Variants in ZCWPW2 observed in about 807,000 individuals in gnomAD.
ZCWPW2 encodes zinc finger CW-type PWWP domain protein 2.
In ZCWPW2, 45 loss-of-function variants were observed where a neutral mutation model predicts 46.6. The ratio of observed to expected loss-of-function variants is 0.96; its 90% CI spans 0.76 to 1.24. ZCWPW2 has a LOEUF of 1.24. Ranked by LOEUF, ZCWPW2 falls within the 50% of genes most tolerant of loss-of-function variation. The pLI is 0.00. For synonymous variants in ZCWPW2, 152 were observed against 137.1 expected, an observed-to-expected ratio of 1.11 and a Z score of -0.76; for missense variants, 429 against 403.9, an observed-to-expected ratio of 1.06 and a Z score of -0.53.
At chr3:28,452,242 C>A (rs1403518623) in intron 4 of ZCWPW2, among the ~76,000 whole-genome samples, 1 of 152,114 alleles carries the variant, frequency 6.6e-6, no homozygotes, top group East Asian at 1.9e-4. Context: ...TAAGACAAGT[C>A]ACTTAACTTT....
intron 6 of ZCWPW2, among the ~76,000 whole-genome samples, chr3:28,511,910 T>C (rs1488429351): frequency 2.0e-5 from 3 of 152,172 alleles, no homozygotes; most frequent in African/African-American, 7.2e-5. Context: ...TCTTGAAAAA[T>C]ATTATTTTAA....
At chr3:28,417,009 A>G (rs1185017293) in intron 3 of ZCWPW2, among the ~76,000 whole-genome samples, 3 of 147,924 alleles carry the variant, frequency 2.0e-5, no homozygotes, top group Admixed American at 1.3e-4. Flanking sequence ...AGGCTTTGGT[A>G]TCAGGATGAT....
chr3:28,454,005 C>T (rs925452746), intron 4 of ZCWPW2, among the ~76,000 whole-genome samples: 22 of 151,434 alleles, frequency 1.5e-4, no homozygotes, highest in African/African-American at 2.7e-4. Flanking sequence ...CCACCACGCC[C>T]GGCTAATTTT....
chr3:28,353,831 C>G (rs1704638322), intron 1 of ZCWPW2, among the ~76,000 whole-genome samples: 1 of 152,120 alleles, frequency 6.6e-6, no homozygotes, highest in African/African-American at 2.4e-5. Flanking sequence ...GTGAGACCAA[C>G]CAACAGGAGA....
At chr3:28,459,388 A>G (rs1459178104) in intron 4 of ZCWPW2, among the ~76,000 whole-genome samples, 1 of 152,114 alleles carries the variant, frequency 6.6e-6, no homozygotes, top group Admixed American at 6.5e-5. Context: ...AAAAAAAACA[A>G]AAAACAAAAA....
chr3:28,479,035 C>T, intron 5 of ZCWPW2, 104 bp downstream of exon 5: 1 of 686,288 alleles, frequency 1.5e-6, no homozygotes, highest in Non-Finnish European at 2.4e-6. Flanking sequence ...TCTTTCTCTT[C>T]ATAGGGAAAT....
chr3:28,456,785 A>G (rs959266794), intron 4 of ZCWPW2, among the ~76,000 whole-genome samples: 1 of 152,080 alleles, frequency 6.6e-6, no homozygotes, highest in Non-Finnish European at 1.5e-5. Context: ...ATTGATTTGC[A>G]TATGTTGAAC....
chr3:28,411,491 G>A (rs1272038731), intron 2 of ZCWPW2, among the ~76,000 whole-genome samples: 1 of 151,810 alleles, frequency 6.6e-6, no homozygotes, highest in African/African-American at 2.4e-5. Flanking sequence ...TACTATCATG[G>A]CTTCTAGTCA....
chr3:28,439,106 C>T (rs1487523428), intron 4 of ZCWPW2, among the ~76,000 whole-genome samples: 1 of 144,618 alleles, frequency 6.9e-6, no homozygotes, highest in East Asian at 2.1e-4. Context: ...TACACACACA[C>T]ACACCATAGG....
At chr3:28,349,251 C>G (rs896450206) in intron 1 of ZCWPW2, 48 bp downstream of exon 1, 2 of 968,064 alleles carry the variant, frequency 2.1e-6, no homozygotes, top group African/African-American at 1.8e-5. Context: ...GGTCCCCCTT[C>G]AGGGGCGCCC....
intron 2 of ZCWPW2, among the ~76,000 whole-genome samples, chr3:28,407,544 GT>G (rs1017838050): frequency 2.6e-5 from 4 of 152,096 alleles, no homozygotes; most frequent in African/African-American, 9.7e-5. Flanking sequence ...TTATCCCCAG[GT>G]AAGGGATCAG....
rs1457745376 is a variant in ZCWPW2, at chr3:28,349,209, A to C, written c.-134+6A>C. On this transcript the variant is annotated splice_donor_region_variant and intron_variant, in intron 1 of 9. Coordinates refer to ENST00000383768, the MANE Select transcript of ZCWPW2 (RefSeq NM_001040432.4). ...CGGAGGCGGAGTGGAGTTAGGTAAG[A>C]GCGTTACCAGCCGTCTTGTCTGTTG... The C allele has an allele frequency of 2.0e-6, 2 of 985,124 alleles. No individual in the cohort carries two copies. Among genetic ancestry groups the C allele is most frequent in the African/African-American group, 3.5e-5 (2 of 57,166 alleles). 61.0% of individuals were successfully genotyped at this position (985,124 alleles called of 1,614,324 possible).
At chr3:28,370,844 T>A (rs1705307926) in intron 1 of ZCWPW2, among the ~76,000 whole-genome samples, 1 of 152,198 alleles carries the variant, frequency 6.6e-6, no homozygotes, top group South Asian at 2.1e-4. Flanking sequence ...GAAATTCTCC[T>A]GCCTCAGCCT....
At chr3:28,475,904 C>A (rs527930205) in intron 4 of ZCWPW2, among the ~76,000 whole-genome samples, 2 of 152,216 alleles carry the variant, frequency 1.3e-5, no homozygotes, top group South Asian at 4.1e-4. Context: ...CTTATCACCT[C>A]TTACACTATA....
intron 3 of ZCWPW2, among the ~76,000 whole-genome samples, chr3:28,422,842 C>T (rs1379029235): frequency 1.3e-5 from 2 of 152,016 alleles, no homozygotes; most frequent in African/African-American, 2.4e-5. Flanking sequence ...TTTGCATTCC[C>T]AACAGTGTTG....
At chr3:28,445,052 C>T (rs1201108800) in intron 4 of ZCWPW2, among the ~76,000 whole-genome samples, 1 of 151,916 alleles carries the variant, frequency 6.6e-6, no homozygotes, top group Non-Finnish European at 1.5e-5. Context: ...CCCAAACCAA[C>T]AAAAGAGCTC....
At chr3:28,387,912 TAGTC>T (rs1464281491) in intron 1 of ZCWPW2, among the ~76,000 whole-genome samples, 1 of 152,142 alleles carries the variant, frequency 6.6e-6, no homozygotes, top group East Asian at 1.9e-4. Flanking sequence ...CCTTCTTCAT[TAGTC>T]AGGGTTCTAC....
chr3:28,367,374 C>G (rs142861599), intron 1 of ZCWPW2, among the ~76,000 whole-genome samples: 1,803 of 152,286 alleles, frequency 0.012, 39 homozygotes, highest in African/African-American at 0.041. Flanking sequence ...CAAAGAACAT[C>G]TTTACTTCTG....
intron 4 of ZCWPW2, among the ~76,000 whole-genome samples, chr3:28,477,813 T>A (rs576281284): frequency 6.6e-6 from 1 of 152,256 alleles, no homozygotes; most frequent in Non-Finnish European, 1.5e-5. Context: ...ATATTCCTTT[T>A]GCTGGTATTC....
Sources: gnomAD v4.1 joint callset for allele counts (sites outside exome capture counted in the v4.1 genomes callset) on GRCh38, gnomAD v4.1.1 for gene constraint, MANE v1.5 for transcripts, NCBI Gene and HGNC (gene_info 2026-07-23, HGNC 2026-07-21) for gene names.